Variants in MED27 observed in about 807,000 individuals in gnomAD.
MED27 encodes mediator complex subunit 27, also known as mediator of RNA polymerase II transcription subunit 27.
MED27 carries 30 observed loss-of-function variants against 38.2 expected under a neutral mutation model. That is an observed-to-expected ratio of 0.79 (90% CI 0.59 to 1.07). The LOEUF (loss-of-function observed/expected upper bound fraction) is 1.07. Among genes scored for constraint, MED27 ranks in the 50% least tolerant of loss-of-function variants. The pLI, the probability that MED27 is intolerant of heterozygous loss-of-function variation, is 0.00. For missense variants in MED27, 289 were observed against 397.5 expected (o/e 0.73, Z 2.32); for synonymous variants, 122 against 153.5 (o/e 0.79, Z 1.52).
At chr9:131,914,245 C>T (rs1178861336) in intron 4 of MED27, among the ~76,000 whole-genome samples, 1 of 152,138 alleles carries the variant, frequency 6.6e-6, no homozygotes, top group Non-Finnish European at 1.5e-5. Flanking sequence ...ACAATAAAAT[C>T]CATAGAGACT....
intron 2 of MED27, among the ~76,000 whole-genome samples, chr9:132,046,414 A>G (rs1452567159): frequency 6.6e-6 from 1 of 152,152 alleles, no homozygotes; most frequent in African/African-American, 2.4e-5. Flanking sequence ...CAATTTAGTA[A>G]TAGGTACCAA....
chr9:131,994,259 T>C (rs1233429508), intron 3 of MED27, among the ~76,000 whole-genome samples: 1 of 152,200 alleles, frequency 6.6e-6, no homozygotes, highest in African/African-American at 2.4e-5. Flanking sequence ...AAATGAGAAC[T>C]TATTGTATTT....
intron 3 of MED27, among the ~76,000 whole-genome samples, chr9:131,968,067 G>A (rs1449989823): frequency 1.3e-5 from 2 of 151,814 alleles, no homozygotes; most frequent in Non-Finnish European, 2.9e-5. Flanking sequence ...TGATCCGCTC[G>A]CTTTGGCCTC....
intron 2 of MED27, among the ~76,000 whole-genome samples, chr9:132,049,690 G>C (rs1051418488): frequency 6.6e-6 from 1 of 152,138 alleles, no homozygotes; most frequent in African/African-American, 2.4e-5. Context: ...CAACCAGAAA[G>C]GGCTGAGAAC....
intron 2 of MED27, among the ~76,000 whole-genome samples, chr9:132,057,227 C>T (rs1424837639): frequency 6.6e-6 from 1 of 152,222 alleles, no homozygotes; most frequent in African/African-American, 2.4e-5. Flanking sequence ...TCCCACCAAA[C>T]AGGATGATCT....
chr9:131,879,667 CT>C (rs768102946), intron 6 of MED27, among the ~76,000 whole-genome samples: 3 of 152,220 alleles, frequency 2.0e-5, no homozygotes, highest in Non-Finnish European at 4.4e-5. Context: ...CCCCAATGCA[CT>C]TCATGCCACT....
intron 2 of MED27, among the ~76,000 whole-genome samples, chr9:132,049,007 T>C (rs1306206947): frequency 6.6e-6 from 1 of 151,948 alleles, no homozygotes; most frequent in African/African-American, 2.4e-5. Context: ...CAATTTGGAG[T>C]CTTCTTCAAT....
intron 4 of MED27, among the ~76,000 whole-genome samples, chr9:131,906,972 T>C (rs1394665646): frequency 6.6e-6 from 1 of 152,214 alleles, no homozygotes; most frequent in Non-Finnish European, 1.5e-5. Context: ...CCAGGGCATT[T>C]GTAAACTGTC....
chr9:132,012,164 T>A (rs1453120778), intron 3 of MED27, among the ~76,000 whole-genome samples: 2 of 152,224 alleles, frequency 1.3e-5, no homozygotes, highest in Non-Finnish European at 2.9e-5. Context: ...CATTAGAAAG[T>A]CTTTTACTTC....
chr9:132,000,380 G>A (rs967726051), intron 3 of MED27, among the ~76,000 whole-genome samples: 4 of 152,158 alleles, frequency 2.6e-5, no homozygotes, highest in Admixed American at 6.5e-5. Flanking sequence ...CACAGCAACT[G>A]GAACTCTCAT....
At chr9:131,971,520 A>G (rs565943413) in intron 3 of MED27, among the ~76,000 whole-genome samples, 6 of 152,322 alleles carry the variant, frequency 3.9e-5, no homozygotes, top group African/African-American at 1.4e-4. Flanking sequence ...AATTAAACCT[A>G]TGTCGTGAAA....
At chr9:132,024,754 G>A (rs1288949271) in intron 2 of MED27, among the ~76,000 whole-genome samples, 1 of 152,182 alleles carries the variant, frequency 6.6e-6, no homozygotes. Context: ...CAAGGTAAGT[G>A]CTCTAAATGA....
chr9:132,066,998 G>A (rs2131158696), intron 2 of MED27, among the ~76,000 whole-genome samples: 1 of 152,330 alleles, frequency 6.6e-6, no homozygotes, highest in South Asian at 2.1e-4. Context: ...AAAAGTTAAG[G>A]TGATGCAAAC....
At chr9:132,033,043 A>G (rs1170786726) in intron 2 of MED27, among the ~76,000 whole-genome samples, 1 of 151,954 alleles carries the variant, frequency 6.6e-6, no homozygotes, top group Non-Finnish European at 1.5e-5. Context: ...TCACTCAAAT[A>G]TTTTTCCTAC....
At chr9:131,892,995 A>G (rs1042694062) in intron 5 of MED27, among the ~76,000 whole-genome samples, 2 of 152,224 alleles carry the variant, frequency 1.3e-5, no homozygotes, top group African/African-American at 4.8e-5. Context: ...CACACATCTC[A>G]TTATATCACG....
chr9:132,072,682 A>C (rs1371625248), intron 2 of MED27, among the ~76,000 whole-genome samples: 1 of 152,104 alleles, frequency 6.6e-6, no homozygotes, highest in East Asian at 1.9e-4. Flanking sequence ...CGAAGGTTAG[A>C]TTTAGGTGAA....
At chr9:131,870,793 A>G (rs577034836) in intron 6 of MED27, among the ~76,000 whole-genome samples, 14 of 152,240 alleles carry the variant, frequency 9.2e-5, no homozygotes, top group African/African-American at 3.1e-4. Context: ...CACTTATACA[A>G]TGTTCCTTCC....
chr9:131,934,100 T>C (rs1282138173), intron 4 of MED27, among the ~76,000 whole-genome samples: 1 of 152,144 alleles, frequency 6.6e-6, no homozygotes. Flanking sequence ...TAGATCACTG[T>C]CTCTCACCAT....
intron 3 of MED27, among the ~76,000 whole-genome samples, chr9:131,948,024 CAGG>C (rs1323985968): frequency 1.3e-5 from 2 of 152,134 alleles, no homozygotes; most frequent in Non-Finnish European, 1.5e-5. Flanking sequence ...TTAATTACTT[CAGG>C]AGATGAGATT....
Sources: gnomAD v4.1 joint callset for allele counts (sites outside exome capture counted in the v4.1 genomes callset) on GRCh38, gnomAD v4.1.1 for gene constraint, MANE v1.5 for transcripts, NCBI Gene and HGNC (gene_info 2026-07-23, HGNC 2026-07-21) for gene names.